Variants in CBLIF observed in about 807,000 individuals in gnomAD.
CBLIF encodes cobalamin binding intrinsic factor.
CBLIF carries 24 observed loss-of-function variants against 44.9 expected under a neutral mutation model. The ratio of observed to expected loss-of-function variants is 0.53; its 90% CI spans 0.39 to 0.75. The LOEUF (loss-of-function observed/expected upper bound fraction) is 0.75, where lower values mean the gene tolerates loss of function less well. Ranked by LOEUF, CBLIF falls within the 30% of genes least tolerant of loss-of-function variation. The pLI is 0.00. For synonymous variants in CBLIF, 183 were observed against 190.9 expected (o/e 0.96, Z 0.34); for missense variants, 481 against 513.0 (o/e 0.94, Z 0.60).
intron 5 of CBLIF, among the ~76,000 whole-genome samples, chr11:59,839,893 T>TAA (rs112520963): frequency 0.1 from 14,910 of 146,388 alleles, 1,232 homozygotes; most frequent in African/African-American, 0.22. Flanking sequence ...GAGTCACACA[T>TAA]AAAAAAAAAA....
chr11:59,840,014 G>A (rs952078444), intron 5 of CBLIF, among the ~76,000 whole-genome samples: 7 of 151,952 alleles, frequency 4.6e-5, no homozygotes, highest in African/African-American at 1.7e-4. Flanking sequence ...GGAAAAAACA[G>A]GGTTTTGTTC....
Position 59,829,482 on chromosome 11 carries a change from C to T in CBLIF, c.*2G>A, listed in dbSNP as rs760902537. On this transcript the variant is annotated 3_prime_UTR_variant, in exon 9 of 9. Transcript: ENST00000257248. Reference sequence around the variant, plus strand: ...TTGATAGAAGCTGAACCCACCTCTTCGTTAGTACTGTGTGAAATTGGCTGT... The same window carrying T: ...TTGATAGAAGCTGAACCCACCTCTTTGTTAGTACTGTGTGAAATTGGCTGT... 24 of 1,597,096 alleles carry T rather than the reference C, an allele frequency of 1.5e-5. 1 individual carries two copies. Among genetic ancestry groups the T allele is most frequent in the South Asian group, 9.9e-5 (9 of 90,724 alleles).
chr11:59,842,435 C>A lies in CBLIF; in HGVS notation c.511+8G>T, dbSNP rs1257766660. The A allele has an allele frequency of 6.2e-7, 1 of 1,613,410 alleles. No individual in the cohort carries two copies. On this transcript the variant is annotated splice_region_variant and intron_variant, in intron 4 of 8. Transcript: ENST00000257248. ...GTTCCCAGCTCGGGGTAGTGGTGAC[C>A]TACTCACCTACATTGAAGGGAGAGG...
At position 59,843,956 on chromosome 11, in the gene CBLIF, G is replaced by T. The variant is rs773758355; in HGVS notation, c.179C>A (p.Ala60Asp). ...GTTGTAGGCTCCGGCCAGATTCATG[G>T]CAATCAGGATGCTGGGGTTTGGGTA... ...SAYPNPSILI[A>D]MNLAGAYNLK... The change falls in exon 2 of 9, where the codon GCC (alanine) becomes GAC (aspartate). Residue 60 changes from alanine to aspartate, a missense_variant. By Grantham distance (126) the Ala-to-Asp change is moderately radical. Transcript: ENST00000257248. 6.2e-6 allele frequency: 10 copies of T among 1,612,608 alleles called. No individual in the cohort carries two copies. The highest frequency in any genetic ancestry group is 8.5e-6 in the Non-Finnish European group (10 of 1,178,740).
At chr11:59,836,510 C>A (rs1164209776) in intron 6 of CBLIF, among the ~76,000 whole-genome samples, 1 of 152,138 alleles carries the variant, frequency 6.6e-6, no homozygotes, top group African/African-American at 2.4e-5. Flanking sequence ...TAGTGTCTTT[C>A]AATTATATGC....
Position 59,842,437 on chromosome 11 carries a change from AC to A in CBLIF, c.511+5del. The stretch of plus-strand genomic sequence containing the variant: ...TCCCAGCTCGGGGTAGTGGTGACCT[AC>A]TCACCTACATTGAAGGGAGAGGAGT... On this transcript the variant is annotated splice_donor_5th_base_variant and intron_variant, in intron 4 of 8. Coordinates refer to ENST00000257248, the MANE Select transcript of CBLIF (RefSeq NM_005142.3). 6.2e-7 allele frequency: 1 copy of A among 1,613,314 alleles called. No individual in the cohort carries two copies.
chr11:59,841,112 A>T (rs142465221), intron 5 of CBLIF, 31 bp downstream of exon 5: 31 of 1,549,898 alleles, frequency 2.0e-5, no homozygotes, highest in Non-Finnish European at 2.6e-5. Flanking sequence ...ATTGGCAGGA[A>T]CCCAACCAAG....
intron 7 of CBLIF, among the ~76,000 whole-genome samples, chr11:59,834,234 CTT>C (rs1350109633): frequency 6.7e-6 from 1 of 149,104 alleles, no homozygotes; most frequent in South Asian, 2.1e-4. Flanking sequence ...TTCTTTCTTT[CTT>C]TCTTTTTCTT....
Position 59,843,921 on chromosome 11 carries a change from G to C in CBLIF, c.214C>G (p.Gln72Glu), listed in dbSNP as rs1866572433. 2 of 1,613,710 alleles carry C rather than the reference G, an allele frequency of 1.2e-6. No individual in the cohort carries two copies. The highest frequency in any genetic ancestry group is 4.5e-5 in the East Asian group (2 of 44,888). The part of the protein sequence containing the change: ...NLAGAYNLKA[Q>E]KLLTYQLMSS... ...ATGAGCTGGTAAGTCAGGAGCTTCTGGGCCTTCAAGTTGTAGGCTCCGGCC... is the reference window on the plus strand; with the variant it reads ...ATGAGCTGGTAAGTCAGGAGCTTCTCGGCCTTCAAGTTGTAGGCTCCGGCC... The change falls in exon 2 of 9, where the codon CAG becomes GAG. Residue 72 changes from glutamine (Q) to glutamate (E), a missense_variant. By Grantham distance (29) the Gln-to-Glu change is conservative. Coordinates refer to ENST00000257248, the MANE Select transcript of CBLIF (RefSeq NM_005142.3).
At chr11:59,832,330 A>G (rs1028206777) in intron 7 of CBLIF, among the ~76,000 whole-genome samples, 4 of 152,216 alleles carry the variant, frequency 2.6e-5, no homozygotes, top group African/African-American at 9.6e-5. Flanking sequence ...ATCAGAGGGT[A>G]CAGGTTGGGA....
chr11:59,844,099 CT>C, intron 1 of CBLIF, 44 bp from the exon 2 acceptor site: 1 of 1,454,206 alleles, frequency 6.9e-7, no homozygotes, highest in Non-Finnish European at 9.7e-7. Context: ...ACCCTCATTC[CT>C]TCTCAAAAAC....
Position 59,842,507 on chromosome 11 carries a change from C to CG in CBLIF, c.446dup (p.Thr150AspfsTer68), listed in dbSNP as rs1437654262. On this transcript the variant is annotated frameshift_variant, in exon 4 of 9. Transcript: ENST00000257248. LOFTEE classifies it high-confidence loss of function. Reference sequence around the variant, plus strand: ...CAAAGCGGACGGCTATCGGCAAGGTCGCCTCAGAGTTCTTCTGGCACAGTG... The same window carrying CG: ...CAAAGCGGACGGCTATCGGCAAGGTCGGCCTCAGAGTTCTTCTGGCACAGTG... The CG allele has an allele frequency of 6.2e-7, 1 of 1,613,892 alleles. No homozygotes were observed. The highest frequency in any genetic ancestry group is 1.1e-5 in the South Asian group (1 of 91,064).
chr11:59,834,230 CTTTCTTTCTT>C (rs1565207305), intron 7 of CBLIF, among the ~76,000 whole-genome samples: 3 of 149,748 alleles, frequency 2.0e-5, no homozygotes, highest in Admixed American at 6.6e-5. Context: ...CTGTTTCTTT[CTTTCTTTCTT>C]TTTCTTTCTT....
rs762577298 is a variant in CBLIF, at chr11:59,843,862, C to T, written c.256+17G>A. Reference sequence around the variant, plus strand: ...GTGTGAGATTCAGGGAGAGTGCGAGCGGCTCAGATGTCTCACCGTTGTTGT... The same window carrying T: ...GTGTGAGATTCAGGGAGAGTGCGAGTGGCTCAGATGTCTCACCGTTGTTGT... On this transcript the variant is annotated intron_variant, in intron 2 of 8. Coordinates refer to ENST00000257248, the MANE Select transcript of CBLIF (RefSeq NM_005142.3). 2.2e-5 allele frequency: 35 copies of T among 1,597,150 alleles called. No homozygotes were observed. The East Asian group carries it at 3.6e-4, about 16-fold the overall frequency.
Position 59,845,424 on chromosome 11 carries a change from G to A in CBLIF, c.30C>T (p.Ser10=), listed in dbSNP as rs1866592366. 5.0e-6 allele frequency: 8 copies of A among 1,612,400 alleles called. No homozygotes were observed. Among genetic ancestry groups the A allele is most frequent in the Non-Finnish European group, 6.8e-6 (8 of 1,178,544 alleles). The part of the protein sequence containing the change: MAWFALYLL[S]LLWATAGTST... ...TAGTCCCAGCTGTAGCCCAGAGAAG[G>A]CTCAGGAGGTAGAGGGCAAACCAGG... The change falls in exon 1 of 9, where the codon AGC becomes AGT. Residue 10 remains serine, a synonymous_variant. Coordinates refer to ENST00000257248, the MANE Select transcript of CBLIF (RefSeq NM_005142.3).
intron 7 of CBLIF, among the ~76,000 whole-genome samples, chr11:59,832,062 A>G (rs1023968077): frequency 6.6e-6 from 1 of 152,178 alleles, no homozygotes; most frequent in African/African-American, 2.4e-5. Context: ...TCTTTTGAGC[A>G]TGATTTTATC....
At chr11:59,831,841 G>T in intron 7 of CBLIF, 45 bp from the exon 8 acceptor site, 1 of 874,936 alleles carries the variant, frequency 1.1e-6, no homozygotes, top group Non-Finnish European at 2.0e-6. Flanking sequence ...TTTAGGTCAG[G>T]GAATAAGCGG....
Position 59,842,528 on chromosome 11 carries a change from C to T in CBLIF, c.426G>A (p.Leu142=), listed in dbSNP as rs1590860065. 6.2e-7 allele frequency: 1 copy of T among 1,613,978 alleles called. No individual in the cohort carries two copies. Among genetic ancestry groups the T allele is most frequent in the South Asian group, 1.1e-5 (1 of 91,072 alleles). ...FYGPSLAILA[L]CQKNSEATLP... ...AGGTCGCCTCAGAGTTCTTCTGGCA[C>T]AGTGCCAAGATCGCTAGACTGGGCC... is the stretch of plus-strand genomic sequence containing the variant. Residue 142 remains leucine (L), a synonymous_variant, in exon 4 of 9, where the codon CTG becomes CTA. Transcript: ENST00000257248.
At chr11:59,844,110 C>T in intron 1 of CBLIF, 55 bp from the exon 2 acceptor site, 1 of 1,322,544 alleles carries the variant, frequency 7.6e-7, no homozygotes, top group African/African-American at 1.4e-5. Flanking sequence ...TTCTCAAAAA[C>T]ATTATCCCCG....
Sources: allele counts gnomAD v4.1 joint callset (sites outside exome capture counted in the v4.1 genomes callset), GRCh38; gene constraint gnomAD v4.1.1; transcripts MANE v1.5; gene names NCBI Gene and HGNC (gene_info 2026-07-23, HGNC 2026-07-21).